Variants in UBE2E2 observed in about 807,000 individuals in gnomAD.
The protein encoded by UBE2E2 is ubiquitin conjugating enzyme E2 E2, also known as ubiquitin-conjugating enzyme E2 E2.
UBE2E2 carries 6 observed loss-of-function variants against 24.7 expected under a neutral mutation model. The observed-to-expected ratio is 0.24, with a 90% CI of 0.13 to 0.48. The LOEUF is 0.48. UBE2E2 is among the 20% of genes least tolerant of loss of function. The probability of loss-of-function intolerance (pLI) is 0.99; values close to 1 mark genes in which losing one functional copy is unlikely to be tolerated. For synonymous variants in UBE2E2, 104 were observed against 83.6 expected, an observed-to-expected ratio of 1.24 and a Z score of -1.33; for missense variants, 169 against 245.0, an observed-to-expected ratio of 0.69 and a Z score of 2.07.
intron 4 of UBE2E2, among the ~76,000 whole-genome samples, chr3:23,522,148 T>A (rs56256917): frequency 0.1 from 11,605 of 115,474 alleles, 840 homozygotes; most frequent in African/African-American, 0.24. Context: ...TTTTTTTTTT[T>A]GAGGCAGAGT....
At chr3:23,444,278 T>C (rs1698376841) in intron 3 of UBE2E2, among the ~76,000 whole-genome samples, 1 of 152,174 alleles carries the variant, frequency 6.6e-6, no homozygotes, top group East Asian at 1.9e-4. Context: ...TCCCCCATTG[T>C]GTAGCTGCAG....
chr3:23,332,344 A>G (rs1370638281), intron 3 of UBE2E2, among the ~76,000 whole-genome samples: 1 of 151,982 alleles, frequency 6.6e-6, no homozygotes, highest in African/African-American at 2.4e-5. Flanking sequence ...GGGCTTCATG[A>G]TGTTGCCCAG....
At chr3:23,322,911 A>G (rs997874507) in intron 3 of UBE2E2, among the ~76,000 whole-genome samples, 9 of 151,964 alleles carry the variant, frequency 5.9e-5, no homozygotes, top group African/African-American at 1.9e-4. Flanking sequence ...CCTAAGGATT[A>G]TATATTTATA....
chr3:23,486,808 A>G (rs1575661477), intron 3 of UBE2E2, among the ~76,000 whole-genome samples: 5 of 152,240 alleles, frequency 3.3e-5, no homozygotes, highest in Admixed American at 1.3e-4. Context: ...TGACTGGTCC[A>G]TGGTCGGGCC....
intron 3 of UBE2E2, among the ~76,000 whole-genome samples, chr3:23,292,208 C>T (rs763933135): frequency 5.9e-5 from 9 of 152,110 alleles, no homozygotes. Flanking sequence ...AACTCCTCGG[C>T]TCAAGCAGTC....
intron 3 of UBE2E2, among the ~76,000 whole-genome samples, chr3:23,391,200 A>G (rs905387901): frequency 3.3e-5 from 5 of 152,172 alleles, no homozygotes; most frequent in South Asian, 2.1e-4. Context: ...GTCACACTTC[A>G]TAGTTGGAGT....
chr3:23,213,260 C>T (rs1455572639), intron 2 of UBE2E2, among the ~76,000 whole-genome samples: 3 of 152,036 alleles, frequency 2.0e-5, no homozygotes, highest in South Asian at 2.1e-4. Context: ...CATGTTAGTA[C>T]ATATACACTG....
intron 3 of UBE2E2, among the ~76,000 whole-genome samples, chr3:23,414,319 C>T (rs578061252): frequency 3.3e-5 from 5 of 152,272 alleles, no homozygotes; most frequent in Admixed American, 3.3e-4. Flanking sequence ...ATATCTTCAT[C>T]TGTCTATGTG....
Position 23,217,356 on chromosome 3 carries a change from G to T in UBE2E2, c.227+44G>T, listed in dbSNP as rs770780197. The stretch of plus-strand genomic sequence containing the variant: ...TTATTTACTTGTATCTTTTGCAGAA[G>T]GTGCATTTGAACTGTTGGTTTTATA... On this transcript the variant is annotated intron_variant, in intron 3 of 5. Transcript: ENST00000396703. 4.4e-6 allele frequency: 7 copies of T among 1,574,024 alleles called. No homozygotes were observed. In the South Asian group the frequency reaches 7.8e-5, roughly 18 times the overall value.
At chr3:23,451,328 G>C (rs1293417025) in intron 3 of UBE2E2, among the ~76,000 whole-genome samples, 2 of 152,072 alleles carry the variant, frequency 1.3e-5, no homozygotes, top group African/African-American at 2.4e-5. Context: ...AGAATTCTTA[G>C]ATCAGTAATA....
rs1020830474 is a variant in UBE2E2, at chr3:23,590,456, A to G, written c.*625A>G. On this transcript the variant is annotated 3_prime_UTR_variant, in exon 6 of 6. Coordinates refer to ENST00000396703, the MANE Select transcript of UBE2E2 (RefSeq NM_152653.4). ...AGACTGTTGGATTGAACAAAATAAT[A>G]TGTATTTTGATTTACTTAAAGTGCT... 2.0e-5 allele frequency: 3 copies of G among 152,600 alleles called. No individual in the cohort carries two copies. Among genetic ancestry groups the G allele is most frequent in the African/African-American group, 7.2e-5 (3 of 41,426 alleles). The allele number at this position is 152,600 out of a possible 1,614,324, so 9.5% of individuals were successfully genotyped here.
chr3:23,479,062 T>A (rs1420782157), intron 3 of UBE2E2, among the ~76,000 whole-genome samples: 2 of 152,122 alleles, frequency 1.3e-5, no homozygotes, highest in Non-Finnish European at 2.9e-5. Flanking sequence ...CAGGTGTTGC[T>A]TTTCTAGCCA....
rs1696706172 is a variant in UBE2E2 at position 23,589,345 on chromosome 3, C to T, written c.509-389C>T. The stretch of plus-strand genomic sequence containing the variant: ...TGAGGCAGGAGGAGGATTGCTTGAT[C>T]CCAGGAGGTCAAGGCTACACTGAGC... On this transcript the variant is annotated intron_variant, in intron 5 of 5. Transcript: ENST00000396703. The surrounding 1 kb of genome is among the most constrained non-coding windows in gnomAD (Gnocchi z 4.1). 6.6e-6 allele frequency among the ~76,000 whole-genome samples: 1 copy of T among 151,776 alleles called. No homozygotes were observed. Among genetic ancestry groups the T allele is most frequent in the African/African-American group, 2.4e-5 (1 of 41,312 alleles).
At chr3:23,585,090 A>G (rs1696587249) in intron 5 of UBE2E2, among the ~76,000 whole-genome samples, 1 of 152,132 alleles carries the variant, frequency 6.6e-6, no homozygotes, top group Non-Finnish European at 1.5e-5. Flanking sequence ...AAATGCCATG[A>G]TGCTGGCTTG....
At chr3:23,420,718 TG>T (rs1281065614) in intron 3 of UBE2E2, among the ~76,000 whole-genome samples, 2 of 152,356 alleles carry the variant, frequency 1.3e-5, no homozygotes, top group East Asian at 1.9e-4. Context: ...AATCATGATA[TG>T]TTTTTTTTGC....
chr3:23,254,769 C>T (rs573546992), intron 3 of UBE2E2, among the ~76,000 whole-genome samples: 140 of 151,994 alleles, frequency 9.2e-4, no homozygotes, highest in Non-Finnish European at 1.6e-3. Context: ...GCTGGGTTTT[C>T]AAAGATAAGT....
chr3:23,357,079 C>G (rs1481481077), intron 3 of UBE2E2, among the ~76,000 whole-genome samples: 1 of 152,148 alleles, frequency 6.6e-6, no homozygotes, highest in Non-Finnish European at 1.5e-5. Flanking sequence ...CAATTAAATG[C>G]TTTGACCTGG....
At chr3:23,256,107 T>C (rs965666164) in intron 3 of UBE2E2, among the ~76,000 whole-genome samples, 9 of 152,236 alleles carry the variant, frequency 5.9e-5, no homozygotes, top group Non-Finnish European at 1.2e-4. Flanking sequence ...TCATTCTGTT[T>C]TCCTGCTCTT....
chr3:23,318,721 G>A (rs1236205807), intron 3 of UBE2E2, among the ~76,000 whole-genome samples: 1 of 152,064 alleles, frequency 6.6e-6, no homozygotes, highest in African/African-American at 2.4e-5. Flanking sequence ...GGGGGAAACT[G>A]CCCCCATGAT....
Sources: allele counts gnomAD v4.1 joint callset (sites outside exome capture counted in the v4.1 genomes callset), GRCh38; gene constraint gnomAD v4.1.1; non-coding constraint Gnocchi (gnomAD v3.1); transcripts MANE v1.5; gene names NCBI Gene and HGNC (gene_info 2026-07-23, HGNC 2026-07-21).